The following EPAS1 variants were observed in gnomAD, a reference collection of about 807,000 sequenced individuals.
EPAS1 encodes endothelial PAS domain-containing protein 1.
Under a neutral mutation model 87.9 loss-of-function variants are expected in EPAS1, and 23 were observed. The observed-to-expected ratio is 0.26, with a 90% CI of 0.19 to 0.37. The LOEUF (loss-of-function observed/expected upper bound fraction) is 0.37, where lower values mean the gene tolerates loss of function less well. Ranked by LOEUF, EPAS1 falls within the 10% of genes least tolerant of loss-of-function variation. The probability of loss-of-function intolerance (pLI) is 1.00; values close to 1 mark genes in which losing one functional copy is unlikely to be tolerated. For missense variants in EPAS1, 1,138 were observed against 1,120.7 expected (o/e 1.02, Z -0.22); for synonymous variants, 508 against 444.3 (o/e 1.14, Z -1.80).
At chr2:46,313,562 C>T (rs1176225608) in intron 1 of EPAS1, among the ~76,000 whole-genome samples, 2 of 152,096 alleles carry the variant, frequency 1.3e-5, no homozygotes, top group Non-Finnish European at 2.9e-5. Context: ...AGCGATTCTC[C>T]CACCTCGGCT....
chr2:46,318,009 T>A (rs1393500064), intron 1 of EPAS1, among the ~76,000 whole-genome samples: 2 of 152,234 alleles, frequency 1.3e-5, no homozygotes, highest in African/African-American at 2.4e-5. Flanking sequence ...TATGCCTGGT[T>A]TGATCTTCTC....
Position 46,356,138 on chromosome 2 carries a change from C to CT in EPAS1, c.218-13_218-12insT. On this transcript the variant is annotated splice_polypyrimidine_tract_variant and intron_variant, in intron 2 of 15. Transcript: ENST00000263734. ...ACATTCATGCAAGCTGTCCCACCCC[C>CT]CCCCCTTTCCAGTTTGCTCTGAAAA... The CT allele has an allele frequency of 2.4e-6, 3 of 1,261,412 alleles. No homozygotes were observed. Among genetic ancestry groups the CT allele is most frequent in the African/African-American group, 2.4e-5 (1 of 42,532 alleles). The allele number at this position is 1,261,412 out of a possible 1,614,324, so 78.1% of individuals were successfully genotyped here. A position where few individuals can be genotyped will look rare whatever the true frequency, so the allele number is the denominator to read the frequency against.
chr2:46,382,511 G>C lies in EPAS1; in HGVS notation c.2374G>C (p.Gly792Arg), dbSNP rs761084491. The C allele has an allele frequency of 6.2e-7, 1 of 1,614,116 alleles. No homozygotes were observed. The highest frequency in any genetic ancestry group is 1.3e-5 in the African/African-American group (1 of 75,058). Residue 792 changes from glycine to arginine, a missense_variant, in exon 15 of 16, where the codon GGG becomes CGG. Gly to Arg is a moderately radical substitution (Grantham distance 125). Around this residue, in one of 4 missense-constraint regions of EPAS1, gnomAD observed 502 missense variants for 427.1 expected, o/e 1.18. Coordinates refer to ENST00000263734, the MANE Select transcript of EPAS1 (RefSeq NM_001430.5). ...LPQPPSAISP[G>R]ENSKSRFPPQ... is the part of the protein sequence containing the mutation. ...ACAGCCTCCATCTGCCATCAGTCCC[G>C]GGGAGAACAGCAAGAGCAGGTTCCC...
In EPAS1 at chr2:46,385,163, A is replaced by AATC. The variant is rs1389498494; in HGVS notation, c.*505_*507dup. The AATC allele has an allele frequency of 1.9e-5, 3 of 155,968 alleles. No individual in the cohort carries two copies. The highest frequency in any genetic ancestry group is 7.6e-5 in the African/African-American group (3 of 39,590). 9.7% of individuals were successfully genotyped at this position (155,968 alleles called of 1,614,324 possible). On this transcript the variant is annotated 3_prime_UTR_variant, in exon 16 of 16. Coordinates refer to ENST00000263734, the MANE Select transcript of EPAS1 (RefSeq NM_001430.5). ...GCCCTTCTCGTTTCTTTTTTAAACT[A>AATC]ATCACCATATTGTAAATTTCAGGGT...
intron 2 of EPAS1, among the ~76,000 whole-genome samples, chr2:46,354,577 A>G (rs952255888): frequency 6.6e-6 from 1 of 150,502 alleles, no homozygotes; most frequent in African/African-American, 2.5e-5. Flanking sequence ...CAGGATACTC[A>G]AAGTGTGGGT....
In EPAS1 at chr2:46,381,587, G is replaced by T; in HGVS notation, c.2046-9G>T. On this transcript the variant is annotated splice_polypyrimidine_tract_variant and intron_variant, in intron 12 of 15. Coordinates refer to ENST00000263734, the MANE Select transcript of EPAS1 (RefSeq NM_001430.5). ...ACTCCCTCATAGCCTGCTCTCTCGG[G>T]CTTGGCAGGTCTGCAAAGGGTTTTG... 6.2e-7 allele frequency: 1 copy of T among 1,613,962 alleles called. No individual in the cohort carries two copies. The highest frequency in any genetic ancestry group is 8.5e-7 in the Non-Finnish European group (1 of 1,180,014).
intron 6 of EPAS1, among the ~76,000 whole-genome samples, chr2:46,363,408 ATT>A (rs971649474): frequency 1.1e-4 from 17 of 152,092 alleles, no homozygotes; most frequent in African/African-American, 4.1e-4. Context: ...TAGAAAAGAG[ATT>A]TTTTTTAAGC....
chr2:46,325,213 T>C lies in EPAS1; in HGVS notation c.27-21660T>C, dbSNP rs140067727. On this transcript the variant is annotated intron_variant, in intron 1 of 15. Coordinates refer to ENST00000263734, the MANE Select transcript of EPAS1 (RefSeq NM_001430.5). The stretch of plus-strand genomic sequence containing the variant: ...GCTCTGTATGTTCTAGGTTAGAGTC[T>C]TAGATAATATGGGATTTTAAAACCA... Among the ~76,000 whole-genome samples, 744 of 152,334 alleles carry C rather than the reference T, an allele frequency of 4.9e-3. 6 individuals carry two copies. Among genetic ancestry groups the C allele is most frequent in the African/African-American group, 0.016 (671 of 41,558 alleles).
rs190695048 is a variant in EPAS1 at position 46,361,254 on chromosome 2, A to G, written c.779+164A>G. Among the ~76,000 whole-genome samples the G allele has an allele frequency of 4.7e-3, 709 of 152,186 alleles. 3 individuals are homozygous for G. Among genetic ancestry groups the G allele is most frequent in the Non-Finnish European group, 7.5e-3 (512 of 68,008 alleles). The stretch of plus-strand genomic sequence containing the variant: ...GTTTCATTGCATCAGTGCCCCTCAG[A>G]GGTTCCCGGTACTGTATTTGGTGGT... On this transcript the variant is annotated intron_variant, in intron 6 of 15. Transcript: ENST00000263734.
At chr2:46,357,014 C>T (rs1479680121) in intron 4 of EPAS1, among the ~76,000 whole-genome samples, 67 of 152,192 alleles carry the variant, frequency 4.4e-4, no homozygotes, top group Admixed American at 4.4e-3. Flanking sequence ...GCTGGCCCTG[C>T]ATGGTGCCTG....
intron 1 of EPAS1, among the ~76,000 whole-genome samples, chr2:46,308,344 T>G (rs1373561815): frequency 6.6e-6 from 1 of 151,976 alleles, no homozygotes; most frequent in Non-Finnish European, 1.5e-5. Context: ...TGCTTATATT[T>G]CCTTGTTATC....
Position 46,361,070 on chromosome 2 carries a change from G to A in EPAS1, c.759G>A (p.Lys253=), listed in dbSNP as rs1684376631. 1 of 1,614,162 alleles carries A rather than the reference G, an allele frequency of 6.2e-7. No homozygotes were observed. Among genetic ancestry groups the A allele is most frequent in the South Asian group, 1.1e-5 (1 of 91,088 alleles). ...TGAGCCGCCACAGCATGGACATGAAGTTCACCTACTGTGATGACAGGTAGG... is the reference window on the plus strand; with the variant it reads ...TGAGCCGCCACAGCATGGACATGAAATTCACCTACTGTGATGACAGGTAGG... ...TFLSRHSMDM[K]FTYCDDRITE... The change falls in exon 6 of 16, where the codon AAG becomes AAA. Residue 253 remains lysine, a synonymous_variant. Transcript: ENST00000263734.
chr2:46,353,699 C>T (rs1264048724), intron 2 of EPAS1, among the ~76,000 whole-genome samples: 7 of 152,202 alleles, frequency 4.6e-5, no homozygotes, highest in East Asian at 1.9e-4. Context: ...ATCGCTTCAG[C>T]GGGCTGATGA....
Position 46,376,598 on chromosome 2 carries a change from C to T in EPAS1, c.1094C>T (p.Pro365Leu). 1.2e-6 allele frequency: 2 copies of T among 1,614,132 alleles called. No homozygotes were observed. Among genetic ancestry groups the T allele is most frequent in the Non-Finnish European group, 1.7e-6 (2 of 1,180,032 alleles). ...GACCAGACTGAATCCCTGTTCAAGC[C>T]CCACCTGATGGCCATGAACAGCATC... ...SMDQTESLFK[P>L]HLMAMNSIFD... The change falls in exon 9 of 16, where the codon CCC becomes CTC. Residue 365 changes from proline to leucine, a missense_variant. Pro to Leu is a moderately conservative substitution (Grantham distance 98). Coordinates refer to ENST00000263734, the MANE Select transcript of EPAS1 (RefSeq NM_001430.5).
In EPAS1 at chr2:46,356,651, T is replaced by G. The variant is rs185859901; in HGVS notation, c.370-73T>G. The G allele has an allele frequency of 5.5e-3, 6,562 of 1,197,570 alleles. 20 individuals carry two copies. Among genetic ancestry groups the G allele is most frequent in the Non-Finnish European group, 7.1e-3 (5,714 of 800,452 alleles). The allele number at this position is 1,197,570 out of a possible 1,614,324, so 74.2% of individuals were successfully genotyped here. ...CCTCCCTGCCTCCAAATCTGGAAGG[T>G]GGCTCAGCTTACTCTTGGAGTCTTT... On this transcript the variant is annotated intron_variant, in intron 3 of 15. Transcript: ENST00000263734.
At chr2:46,329,277 C>T (rs993728806) in intron 1 of EPAS1, among the ~76,000 whole-genome samples, 2 of 152,134 alleles carry the variant, frequency 1.3e-5, no homozygotes, top group Non-Finnish European at 2.9e-5. Context: ...GTAGGAGGCA[C>T]CATTGCTAGA....
Position 46,382,436 on chromosome 2 carries a change from C to T in EPAS1, c.2299C>T (p.Gln767Ter). Residue 767 changes from glutamine (Q) to a stop codon, truncating the protein, a stop_gained, in exon 15 of 16, where the codon CAA becomes TAA. Coordinates refer to ENST00000263734, the MANE Select transcript of EPAS1 (RefSeq NM_001430.5). LOFTEE classifies it high-confidence loss of function. ...CTTTGGTCTTTCAGATAAGTTCACC[C>T]AAAACCCCATGAGGGGCCTGGGCCA... is the stretch of plus-strand genomic sequence containing the variant. ...SANVPNDKFTQNPMRGLGHPL... is the reference protein window; with the variant it reads ...SANVPNDKFT 6.2e-7 allele frequency: 1 copy of T among 1,614,116 alleles called. No individual in the cohort carries two copies. The highest frequency in any genetic ancestry group is 8.5e-7 in the Non-Finnish European group (1 of 1,180,022).
intron 1 of EPAS1, among the ~76,000 whole-genome samples, chr2:46,317,015 G>C (rs892221280): frequency 2.6e-5 from 4 of 152,132 alleles, no homozygotes; most frequent in Non-Finnish European, 1.5e-5. Context: ...AAGAAGCTCT[G>C]ACTCATCTGT....
Position 46,363,017 on chromosome 2 carries a change from G to GTGGTGGTGGTGGTGGTGATGA in EPAS1, c.779+1929_779+1930insGTGGTGGTGGTGGTGATGATG, listed in dbSNP as rs1410002978. On this transcript the variant is annotated intron_variant, in intron 6 of 15. Transcript: ENST00000263734. ...GGTGGTGGTGGTGGTGGTGGTGGTG[G>GTGGTGGTGGTGGTGGTGATGA]TGATAATGATGGTGGTTCAAGAAGA... is the stretch of plus-strand genomic sequence containing the variant. Among the ~76,000 whole-genome samples the GTGGTGGTGGTGGTGGTGATGA allele has an allele frequency of 9.4e-4, 135 of 144,348 alleles. 3 individuals are homozygous for GTGGTGGTGGTGGTGGTGATGA. Among genetic ancestry groups the GTGGTGGTGGTGGTGGTGATGA allele is most frequent in the African/African-American group, 3.1e-3 (120 of 38,430 alleles). 94.7% of individuals were successfully genotyped at this position (144,348 alleles called of 152,430 possible).
Sources: allele counts gnomAD v4.1 joint callset (sites outside exome capture counted in the v4.1 genomes callset), GRCh38; gene constraint gnomAD v4.1.1; regional missense constraint gnomAD v4.1.1; transcripts MANE v1.5; gene names NCBI Gene and HGNC (gene_info 2026-07-23, HGNC 2026-07-21).